DOK5: variants seen among roughly 807,000 people sequenced by gnomAD.
DOK5 encodes the protein docking protein 5.
In DOK5, 27 loss-of-function variants were observed where a neutral mutation model predicts 43.3. The observed-to-expected ratio is 0.62, with a 90% CI of 0.46 to 0.86. The LOEUF (loss-of-function observed/expected upper bound fraction) is 0.86, where lower values mean the gene tolerates loss of function less well. DOK5 is among the 40% of genes least tolerant of loss of function. The pLI is 0.00. For synonymous variants in DOK5, 146 were observed against 140.1 expected, an observed-to-expected ratio of 1.04 and a Z score of -0.30; for missense variants, 373 against 392.9, an observed-to-expected ratio of 0.95 and a Z score of 0.43.
At chr20:54,580,878 T>G (rs1165722723) in intron 2 of DOK5, among the ~76,000 whole-genome samples, 1 of 152,146 alleles carries the variant, frequency 6.6e-6, no homozygotes, top group Non-Finnish European at 1.5e-5. Flanking sequence ...CTTTTTAGTT[T>G]GATGTAGTCC....
chr20:54,645,788 G>A (rs910850), intron 7 of DOK5, among the ~76,000 whole-genome samples: 107,317 of 151,924 alleles, frequency 0.71, 38,260 homozygotes, highest in East Asian at 1. Flanking sequence ...TTTATCCCCC[G>A]GCACCTTGTA....
chr20:54,553,927 T>C (rs1470775931), intron 1 of DOK5, among the ~76,000 whole-genome samples: 2 of 151,654 alleles, frequency 1.3e-5, no homozygotes, highest in Admixed American at 1.3e-4. Flanking sequence ...TTATACTTAG[T>C]AATTTTTAGG....
At chr20:54,511,928 T>C (rs1284698367) in intron 1 of DOK5, among the ~76,000 whole-genome samples, 1 of 152,244 alleles carries the variant, frequency 6.6e-6, no homozygotes, top group Non-Finnish European at 1.5e-5. Flanking sequence ...TTAGGTCCCA[T>C]GTCCACCATT....
At chr20:54,556,918 T>A (rs1984725893) in intron 2 of DOK5, among the ~76,000 whole-genome samples, 1 of 151,970 alleles carries the variant, frequency 6.6e-6, no homozygotes, top group African/African-American at 2.4e-5. Context: ...GTAGAAAAAA[T>A]AAGAAATAGG....
intron 1 of DOK5, among the ~76,000 whole-genome samples, chr20:54,505,747 T>C (rs1221224058): frequency 2.0e-5 from 3 of 152,082 alleles, no homozygotes; most frequent in Non-Finnish European, 1.5e-5. Context: ...ATCAGAGCCA[T>C]GTGGACACAT....
chr20:54,475,790 A>T lies in DOK5; in HGVS notation c.-157A>T. 1.2e-6 allele frequency: 1 copy of T among 837,060 alleles called. No individual in the cohort carries two copies. The highest frequency in any genetic ancestry group is 2.2e-5 in the Admixed American group (1 of 44,592). 51.9% of individuals were successfully genotyped at this position (837,060 alleles called of 1,614,324 possible). A position where few individuals can be genotyped will look rare whatever the true frequency, so the allele number is the denominator to read the frequency against. On this transcript the variant is annotated 5_prime_UTR_variant, in exon 1 of 8. It removes an upstream start codon present in the reference 5' UTR. Coordinates refer to ENST00000262593, the MANE Select transcript of DOK5 (RefSeq NM_018431.5). This position sits in a 1 kb window ranked among gnomAD's most constrained non-coding sequence, Gnocchi z 4.2. ...CAGGGTTGGGGGGACAGAGAAAGTGATGTGCGCCTTCTAAAGCCTCGCCCA... is the reference window on the plus strand; with the variant it reads ...CAGGGTTGGGGGGACAGAGAAAGTGTTGTGCGCCTTCTAAAGCCTCGCCCA...
chr20:54,552,823 T>C lies in DOK5; in HGVS notation c.67-2110T>C, dbSNP rs1984575497. ...CGTTTTTTCACCCTGAACAAAGCAGTTAATTTATGTTCAAGTTTCTGAGAC... is the reference window on the plus strand; with the variant it reads ...CGTTTTTTCACCCTGAACAAAGCAGCTAATTTATGTTCAAGTTTCTGAGAC... On this transcript the variant is annotated intron_variant, in intron 1 of 7. Transcript: ENST00000262593. 2.0e-5 allele frequency among the ~76,000 whole-genome samples: 3 copies of C among 152,322 alleles called. No individual in the cohort carries two copies. The South Asian group carries it at 6.2e-4, about 32-fold the overall frequency.
At chr20:54,564,692 C>T (rs1985033981) in intron 2 of DOK5, among the ~76,000 whole-genome samples, 1 of 152,064 alleles carries the variant, frequency 6.6e-6, no homozygotes, top group Non-Finnish European at 1.5e-5. Context: ...GATGTCAATC[C>T]CATGTTGTAA....
intron 6 of DOK5, among the ~76,000 whole-genome samples, chr20:54,619,373 T>A (rs987861888): frequency 6.6e-6 from 1 of 151,964 alleles, no homozygotes; most frequent in African/African-American, 2.4e-5. Flanking sequence ...CAGCTATAGC[T>A]ATTTTTGCCA....
chr20:54,529,563 T>G (rs1260507262), intron 1 of DOK5, among the ~76,000 whole-genome samples: 1 of 152,182 alleles, frequency 6.6e-6, no homozygotes, highest in Non-Finnish European at 1.5e-5. Flanking sequence ...ACAGCATTAT[T>G]GGGATATAAT....
chr20:54,569,649 C>T (rs1457042447), intron 2 of DOK5, among the ~76,000 whole-genome samples: 1 of 152,212 alleles, frequency 6.6e-6, no homozygotes, highest in African/African-American at 2.4e-5. Context: ...CATACACCCA[C>T]TGACAGCTTA....
At position 54,532,768 on chromosome 20, in the gene DOK5, T is replaced by C. The variant is rs139064839; in HGVS notation, c.67-22165T>C. ...TAGCCAGGATCAAGTTTGGGCAAGA[T>C]ACCAGGAGGCTCAGAGACCTGCGAT... On this transcript the variant is annotated intron_variant, in intron 1 of 7. Coordinates refer to ENST00000262593, the MANE Select transcript of DOK5 (RefSeq NM_018431.5). 3.3e-3 allele frequency among the ~76,000 whole-genome samples: 508 copies of C among 152,332 alleles called. 3 individuals are homozygous for C. Among genetic ancestry groups the C allele is most frequent in the African/African-American group, 0.012 (483 of 41,588 alleles).
chr20:54,567,148 TA>T (rs1400277774), intron 2 of DOK5, among the ~76,000 whole-genome samples: 3 of 152,134 alleles, frequency 2.0e-5, no homozygotes, highest in African/African-American at 7.2e-5. Context: ...TTCACCCTCT[TA>T]ACAGGATCTT....
At position 54,555,047 on chromosome 20, in the gene DOK5, C is replaced by G. The variant is rs1435987140; in HGVS notation, c.174+7C>G. On this transcript the variant is annotated splice_region_variant and intron_variant, in intron 2 of 7. Transcript: ENST00000262593. ...TTTCAGGTGTTATCATAAGGTAAGA[C>G]TCAATTGCTGTAGCTTTCCAGTAAT... The G allele has an allele frequency of 5.1e-6, 8 of 1,581,912 alleles. No individual in the cohort carries two copies. The highest frequency in any genetic ancestry group is 7.0e-6 in the Non-Finnish European group (8 of 1,150,714).
intron 1 of DOK5, among the ~76,000 whole-genome samples, chr20:54,494,421 G>A (rs1414755701): frequency 6.6e-6 from 1 of 152,170 alleles, no homozygotes; most frequent in East Asian, 1.9e-4. Flanking sequence ...CCTGTGTGGT[G>A]AGCATGGTTT....
chr20:54,639,260 C>A (rs1978994049), intron 6 of DOK5, among the ~76,000 whole-genome samples: 1 of 152,214 alleles, frequency 6.6e-6, no homozygotes, highest in South Asian at 2.1e-4. Flanking sequence ...AGCTCCTGTT[C>A]ATGTGGCTGC....
chr20:54,647,516 A>C (rs1442565571), intron 7 of DOK5, among the ~76,000 whole-genome samples: 1 of 151,716 alleles, frequency 6.6e-6, no homozygotes, highest in Non-Finnish European at 1.5e-5. Flanking sequence ...AGTTAAAAAA[A>C]AAAAAAACAA....
At chr20:54,618,176 C>T (rs755058941) in intron 6 of DOK5, among the ~76,000 whole-genome samples, 43 of 152,102 alleles carry the variant, frequency 2.8e-4, no homozygotes, top group Non-Finnish European at 5.3e-4. Context: ...TTCAGCATGG[C>T]GAAGTCATTT....
chr20:54,475,743 C>CT lies in DOK5; in HGVS notation c.-203dup. 1.5e-6 allele frequency: 1 copy of CT among 664,144 alleles called. No individual in the cohort carries two copies. The highest frequency in any genetic ancestry group is 2.9e-5 in the East Asian group (1 of 34,988). The allele number at this position is 664,144 out of a possible 1,614,324, so 41.1% of individuals were successfully genotyped here. A position where few individuals can be genotyped will look rare whatever the true frequency, so the allele number is the denominator to read the frequency against. ...CGCGCTCTGCGCTCCCCGAAAGTGGCTGCAAGCCGGCCGCCCACTGTCAGG... is the reference window on the plus strand; with the variant it reads ...CGCGCTCTGCGCTCCCCGAAAGTGGCTTGCAAGCCGGCCGCCCACTGTCAGG... On this transcript the variant is annotated 5_prime_UTR_variant, in exon 1 of 8. Coordinates refer to ENST00000262593, the MANE Select transcript of DOK5 (RefSeq NM_018431.5). This position sits in a 1 kb window ranked among gnomAD's most constrained non-coding sequence, Gnocchi z 4.2.
Sources: gnomAD v4.1 joint callset for allele counts (sites outside exome capture counted in the v4.1 genomes callset) on GRCh38, gnomAD v4.1.1 for gene constraint, Gnocchi (gnomAD v3.1) non-coding constraint, MANE v1.5 for transcripts, NCBI Gene and HGNC (gene_info 2026-07-23, HGNC 2026-07-21) for gene names.